PIGL: variants seen among roughly 807,000 people sequenced by gnomAD.
PIGL encodes the protein phosphatidylinositol glycan anchor biosynthesis class L, also known as N-acetylglucosaminyl-phosphatidylinositol de-N-acetylase.
A neutral mutation model predicts 31.1 loss-of-function variants in PIGL; 22 were observed. That is an observed-to-expected ratio of 0.71 (90% CI 0.51 to 1.01). The LOEUF is 1.01. Among genes scored for constraint, PIGL ranks in the 50% least tolerant of loss-of-function variants. PIGL has a pLI of 0.00. For missense variants in PIGL, 302 were observed against 315.9 expected (o/e 0.96, Z 0.33); for synonymous variants, 131 against 117.4 (o/e 1.12, Z -0.75).
chr17:16,274,860 C>T (rs146893278), intron 2 of PIGL, among the ~76,000 whole-genome samples: 1,767 of 151,968 alleles, frequency 0.012, 48 homozygotes, highest in African/African-American at 0.04. Flanking sequence ...GGCAAAACCC[C>T]GTCTCTACTA....
chr17:16,227,434 G>A (rs746141910), intron 1 of PIGL, among the ~76,000 whole-genome samples: 94 of 152,040 alleles, frequency 6.2e-4, no homozygotes, highest in Non-Finnish European at 1.2e-3. Flanking sequence ...TCATTAGTAA[G>A]AGTCGATATG....
chr17:16,264,335 G>A (rs1017604860), intron 2 of PIGL, among the ~76,000 whole-genome samples: 22 of 151,714 alleles, frequency 1.5e-4, no homozygotes, highest in African/African-American at 5.3e-4. Flanking sequence ...TAGTAGAGAC[G>A]AGGTTTCACC....
chr17:16,277,127 C>T (rs1019137560), intron 2 of PIGL, among the ~76,000 whole-genome samples: 2 of 152,182 alleles, frequency 1.3e-5, no homozygotes, highest in Non-Finnish European at 2.9e-5. Flanking sequence ...AGGTCAAGAA[C>T]CCTGTACAGG....
At chr17:16,325,668 A>G (rs2093124432) in intron 6 of PIGL, 132 bp from the exon 7 acceptor site, 1 of 693,838 alleles carries the variant, frequency 1.4e-6, no homozygotes, top group Non-Finnish European at 2.5e-6. Flanking sequence ...GGTTACAGGA[A>G]GAAGACAGAT....
intron 2 of PIGL, among the ~76,000 whole-genome samples, chr17:16,291,419 A>G (rs2092959753): frequency 6.6e-6 from 1 of 151,498 alleles, no homozygotes; most frequent in African/African-American, 2.4e-5. Context: ...AAGTAGGAGA[A>G]TCGCTTGAAC....
chr17:16,259,400 T>A (rs775458724), intron 2 of PIGL, among the ~76,000 whole-genome samples: 15 of 151,574 alleles, frequency 9.9e-5, no homozygotes, highest in Admixed American at 9.2e-4. Flanking sequence ...TGATGGAACA[T>A]CCACATGCAA....
intron 2 of PIGL, among the ~76,000 whole-genome samples, chr17:16,244,849 G>T (rs1464043739): frequency 1.3e-5 from 2 of 151,610 alleles, no homozygotes; most frequent in African/African-American, 4.8e-5. Context: ...TAATTTTTTT[G>T]GTAATTATTT....
At chr17:16,254,093 C>G (rs1396699094) in intron 2 of PIGL, among the ~76,000 whole-genome samples, 1 of 152,128 alleles carries the variant, frequency 6.6e-6, no homozygotes. Context: ...TAACACACTT[C>G]CACATTTTCC....
At chr17:16,292,451 C>T (rs1221641765) in intron 2 of PIGL, among the ~76,000 whole-genome samples, 4 of 151,500 alleles carry the variant, frequency 2.6e-5, no homozygotes, top group Non-Finnish European at 5.9e-5. Context: ...AACACACTTT[C>T]CATCTACTCT....
intron 2 of PIGL, among the ~76,000 whole-genome samples, chr17:16,277,266 A>G (rs921865698): frequency 2.6e-4 from 39 of 152,354 alleles, no homozygotes; most frequent in Middle Eastern, 3.4e-3. Context: ...AGTTTCTCCA[A>G]TTGTGTTCTG....
rs2092689624 is a variant in PIGL at position 16,234,039 on chromosome 17, C to G, written c.304C>G (p.Pro102Ala). ...GCAGAGCTGTGATGTTTTGGGGATT[C>G]CACTCTCCAGTGTAATGATTATTGA... is the stretch of plus-strand genomic sequence containing the variant. ...LLQSCDVLGI[P>A]LSSVMIIDNR... Residue 102 changes from proline (P) to alanine (A), a missense_variant, in exon 2 of 7, where the codon CCA becomes GCA. Physicochemically the swap from Pro to Ala is conservative, Grantham distance 27 (BLOSUM62 -1). Coordinates refer to ENST00000225609, the MANE Select transcript of PIGL (RefSeq NM_004278.4). 3.1e-6 allele frequency: 5 copies of G among 1,597,380 alleles called. No homozygotes were observed. The highest frequency in any genetic ancestry group is 4.3e-6 in the Non-Finnish European group (5 of 1,165,088).
At chr17:16,294,263 C>T (rs923433991) in intron 2 of PIGL, among the ~76,000 whole-genome samples, 54 of 152,322 alleles carry the variant, frequency 3.5e-4, no homozygotes, top group African/African-American at 1.1e-3. Context: ...AGCTAGAACT[C>T]GGGTTCTGTG....
chr17:16,306,522 C>CTTTTTTTTT (rs34479966), intron 3 of PIGL, among the ~76,000 whole-genome samples: 5 of 113,672 alleles, frequency 4.4e-5, no homozygotes, highest in Non-Finnish European at 7.0e-5. Context: ...GTTATACGAT[C>CTTTTTTTTT]TTTTTTTTTT....
intron 6 of PIGL, 42 bp downstream of exon 6, chr17:16,317,950 G>A (rs1479740992): frequency 9.9e-6 from 14 of 1,408,898 alleles, no homozygotes; most frequent in Non-Finnish European, 1.3e-5. Context: ...TCAGATCCCT[G>A]CCCCAGACCC....
In PIGL at chr17:16,271,668, A is replaced by G. The variant is rs1029093967; in HGVS notation, c.336-28220A>G. 2.1e-4 allele frequency among the ~76,000 whole-genome samples: 32 copies of G among 151,988 alleles called. 1 individual carries two copies. The highest frequency in any genetic ancestry group is 7.5e-4 in the African/African-American group (31 of 41,470). ...TGCCTCAGCCTCCTGAGTAGCTGGG[A>G]CTACAGGCGCACACCACCACACCCA... On this transcript the variant is annotated intron_variant, in intron 2 of 6. Coordinates refer to ENST00000225609, the MANE Select transcript of PIGL (RefSeq NM_004278.4).
intron 1 of PIGL, among the ~76,000 whole-genome samples, chr17:16,219,630 C>T (rs1195081577): frequency 5.3e-5 from 8 of 152,088 alleles, no homozygotes; most frequent in East Asian, 3.9e-4. Context: ...TGCAGGGGCG[C>T]AATCTCAGTT....
At chr17:16,318,043 G>T in intron 6 of PIGL, 135 bp downstream of exon 6, 1 of 668,630 alleles carries the variant, frequency 1.5e-6, no homozygotes, top group Non-Finnish European at 2.6e-6. Context: ...TGAGAATTAG[G>T]GCTAGGCCAG....
At chr17:16,311,649 G>T in intron 3 of PIGL, among the ~76,000 whole-genome samples, 1 of 147,932 alleles carries the variant, frequency 6.8e-6, no homozygotes, top group African/African-American at 2.5e-5. Flanking sequence ...AGATTAGGGA[G>T]TGGTGATGAC....
At chr17:16,322,817 C>T (rs1360493263) in intron 6 of PIGL, among the ~76,000 whole-genome samples, 10 of 152,150 alleles carry the variant, frequency 6.6e-5, no homozygotes, top group Admixed American at 5.9e-4. Context: ...TAAAAAAATA[C>T]CTTTTTGTGT....
Sources: gnomAD v4.1 joint callset for allele counts (sites outside exome capture counted in the v4.1 genomes callset) on GRCh38, gnomAD v4.1.1 for gene constraint, MANE v1.5 for transcripts, NCBI Gene and HGNC (gene_info 2026-07-23, HGNC 2026-07-21) for gene names.